The following ADAMTS17 variants were observed in gnomAD, a reference collection of about 807,000 sequenced individuals.
ADAMTS17 encodes ADAM metallopeptidase with thrombospondin type 1 motif 17.
In ADAMTS17, 113 loss-of-function variants were observed where a neutral mutation model predicts 141.5. The observed-to-expected ratio is 0.80, with a 90% CI of 0.69 to 0.93. ADAMTS17 has a LOEUF of 0.93. ADAMTS17 is among the 40% of genes least tolerant of loss of function. The probability of loss-of-function intolerance (pLI) is 0.00; values close to 1 mark genes in which losing one functional copy is unlikely to be tolerated. For missense variants in ADAMTS17, 1,659 were observed against 1,517.9 expected, an observed-to-expected ratio of 1.09 and a Z score of -1.54; for synonymous variants, 768 against 630.6, an observed-to-expected ratio of 1.22 and a Z score of -3.27.
intron 18 of ADAMTS17, among the ~76,000 whole-genome samples, chr15:99,999,902 G>A (rs1324866680): frequency 1.3e-5 from 2 of 152,154 alleles, no homozygotes; most frequent in African/African-American, 2.4e-5. Context: ...ACCTCCTCTG[G>A]AGCTAAGTTC....
At chr15:100,319,930 CA>C (rs1248525012) in intron 3 of ADAMTS17, among the ~76,000 whole-genome samples, 2 of 150,962 alleles carry the variant, frequency 1.3e-5, no homozygotes, top group Non-Finnish European at 2.9e-5. Context: ...AACTCTGTCT[CA>C]AAAAAATAAA....
chr15:100,001,562 G>C (rs911321576), intron 18 of ADAMTS17, among the ~76,000 whole-genome samples: 1 of 152,126 alleles, frequency 6.6e-6, no homozygotes, highest in Non-Finnish European at 1.5e-5. Context: ...GTCCCTCAGC[G>C]GTAACGAATG....
intron 7 of ADAMTS17, among the ~76,000 whole-genome samples, chr15:100,222,833 C>T (rs1259166669): frequency 6.6e-6 from 1 of 152,192 alleles, no homozygotes. Context: ...GAGTGACCAA[C>T]TCGAATGCTA....
At chr15:100,131,967 A>G in intron 12 of ADAMTS17, 40 bp downstream of exon 12, 1 of 1,613,940 alleles carries the variant, frequency 6.2e-7, no homozygotes, top group Non-Finnish European at 8.5e-7. Flanking sequence ...GGGAAACTCC[A>G]ATCGTGGCAC....
intron 10 of ADAMTS17, among the ~76,000 whole-genome samples, chr15:100,149,955 A>G (rs2039085640): frequency 1.3e-5 from 2 of 152,200 alleles, no homozygotes; most frequent in African/African-American, 4.8e-5. Flanking sequence ...GACAATCACC[A>G]CTGACCAGCT....
intron 8 of ADAMTS17, among the ~76,000 whole-genome samples, chr15:100,161,426 G>T (rs58726680): frequency 1.5e-4 from 23 of 152,160 alleles, no homozygotes; most frequent in Admixed American, 6.5e-4. Context: ...ATGAATCCCC[G>T]GAGTGGGATG....
chr15:100,151,682 T>C (rs865788262), intron 10 of ADAMTS17, among the ~76,000 whole-genome samples: 4 of 152,166 alleles, frequency 2.6e-5, no homozygotes, highest in South Asian at 2.1e-4. Flanking sequence ...CTCCACAGGA[T>C]GGTGCAGGTT....
rs1274677711 is a variant in ADAMTS17, at chr15:100,303,070, G to A, written c.617-21669C>T. Among the ~76,000 whole-genome samples, 21 of 148,546 alleles carry A rather than the reference G, an allele frequency of 1.4e-4. No individual in the cohort carries two copies. The East Asian group carries it at 4.1e-3, about 29-fold the overall frequency. On this transcript the variant is annotated intron_variant, in intron 3 of 21. Transcript: ENST00000268070. ...ATTGTGGGACCTTATGATCATGTGA[G>A]TTAATACTTAATAAACTTCCCTTTA...
At chr15:100,340,991 C>G in intron 2 of ADAMTS17, 48 bp downstream of exon 2, 1 of 1,521,742 alleles carries the variant, frequency 6.6e-7, no homozygotes, top group Non-Finnish European at 8.8e-7. Context: ...GACCACTCTG[C>G]GTCGCAACAG....
intron 5 of ADAMTS17, 36 bp from the exon 6 acceptor site, chr15:100,261,672 G>A (rs760073982): frequency 2.6e-5 from 42 of 1,599,126 alleles, no homozygotes; most frequent in Non-Finnish European, 3.2e-5. Context: ...AGAAACAAAC[G>A]CCTGGGAGGC....
rs2039407519 is a variant in ADAMTS17, at chr15:100,155,806, C to G, written c.1182-486G>C. 2.6e-5 allele frequency among the ~76,000 whole-genome samples: 4 copies of G among 152,334 alleles called. No individual in the cohort carries two copies. The South Asian group carries it at 8.3e-4, about 32-fold the overall frequency. On this transcript the variant is annotated intron_variant, in intron 8 of 21. Coordinates refer to ENST00000268070, the MANE Select transcript of ADAMTS17 (RefSeq NM_139057.4). ...CAACTCATTACAGAGTATGGCTTTTCTATCTTTCACATCTAACAAGATCAC... is the reference window on the plus strand; with the variant it reads ...CAACTCATTACAGAGTATGGCTTTTGTATCTTTCACATCTAACAAGATCAC...
chr15:100,058,328 C>CGT (rs2032811467), intron 15 of ADAMTS17, among the ~76,000 whole-genome samples: 7 of 93,848 alleles, frequency 7.5e-5, no homozygotes, highest in African/African-American at 1.2e-4. Flanking sequence ...GCTCTAACAC[C>CGT]CCTATCCCGG....
chr15:100,256,438 G>A (rs28559764), intron 6 of ADAMTS17: 12 of 152,210 alleles, frequency 7.9e-5, no homozygotes, highest in Admixed American at 2.0e-4. Context: ...TAATACATTC[G>A]TTTATTAATT....
At chr15:100,329,089 T>A (rs8034205) in intron 3 of ADAMTS17, among the ~76,000 whole-genome samples, 3 of 151,972 alleles carry the variant, frequency 2.0e-5, no homozygotes, top group Non-Finnish European at 4.4e-5. Context: ...TGGTTCTCTG[T>A]GGGTGGGACC....
chr15:100,325,671 T>TTCCCTTCTCTCTTGC (rs1400821548), intron 3 of ADAMTS17, among the ~76,000 whole-genome samples: 2 of 152,022 alleles, frequency 1.3e-5, no homozygotes, highest in African/African-American at 2.4e-5. Context: ...CTCTCTCTCG[T>TTCCCTTCTCTCTTGC]TCCCTTCTCT....
In ADAMTS17 at chr15:99,997,489, C is replaced by T. The variant is rs182846439; in HGVS notation, c.2692G>A (p.Val898Ile). ...CVYQLQNGTH[V>I]ATRPLYCPGP... is the part of the protein sequence containing the mutation. Reference sequence around the variant, plus strand: ...GGGCAGTAGAGGGGCCGCGTAGCGACGTGTGTGCCGTTCTGCAGCTGGTAC... The same window carrying T: ...GGGCAGTAGAGGGGCCGCGTAGCGATGTGTGTGCCGTTCTGCAGCTGGTAC... Residue 898 changes from valine (V) to isoleucine (I), a missense_variant, in exon 19 of 22, where the codon GTC becomes ATC. By Grantham distance (29) the Val-to-Ile change is conservative (BLOSUM62 3). Transcript: ENST00000268070. This position sits in a 1 kb window ranked among gnomAD's most constrained non-coding sequence, Gnocchi z 4.7. 9.3e-6 allele frequency: 15 copies of T among 1,613,556 alleles called. No individual in the cohort carries two copies. The highest frequency in any genetic ancestry group is 6.7e-5 in the East Asian group (3 of 44,874).
chr15:100,210,271 G>T (rs1344674754), intron 7 of ADAMTS17, among the ~76,000 whole-genome samples: 2 of 147,086 alleles, frequency 1.4e-5, no homozygotes, highest in Admixed American at 6.7e-5. Flanking sequence ...AAGTGAGCTG[G>T]AACAGGGAGG....
At chr15:100,192,157 G>T (rs2040942317) in intron 8 of ADAMTS17, among the ~76,000 whole-genome samples, 1 of 152,208 alleles carries the variant, frequency 6.6e-6, no homozygotes, top group Non-Finnish European at 1.5e-5. Context: ...TTTGATGCAG[G>T]GGCCAAGTGC....
intron 15 of ADAMTS17, among the ~76,000 whole-genome samples, chr15:100,078,133 G>C (rs1042939702): frequency 1.3e-5 from 2 of 151,638 alleles, no homozygotes; most frequent in Non-Finnish European, 2.9e-5. Flanking sequence ...TTATATTCTT[G>C]GATCAGATGA....
Sources: allele counts gnomAD v4.1 joint callset (sites outside exome capture counted in the v4.1 genomes callset), GRCh38; gene constraint gnomAD v4.1.1; non-coding constraint Gnocchi (gnomAD v3.1); transcripts MANE v1.5; gene names NCBI Gene and HGNC (gene_info 2026-07-23, HGNC 2026-07-21).